DLGAP4: variants seen among roughly 807,000 people sequenced by gnomAD.
DLGAP4 encodes DLG associated protein 4.
Under a neutral mutation model 86.9 loss-of-function variants are expected in DLGAP4, and 18 were observed. That is an observed-to-expected ratio of 0.21 (90% CI 0.14 to 0.31). The LOEUF is 0.31. DLGAP4 is among the 10% of genes least tolerant of loss of function. The pLI, the probability that DLGAP4 is intolerant of heterozygous loss-of-function variation, is 1.00. For missense variants in DLGAP4, 1,085 were observed against 1,362.6 expected, an observed-to-expected ratio of 0.80 and a Z score of 3.21; for synonymous variants, 548 against 574.3, an observed-to-expected ratio of 0.95 and a Z score of 0.65.
In DLGAP4 at chr20:36,317,436, C is replaced by A. The variant is rs1337942473; in HGVS notation, c.-304+10924C>A. Among the ~76,000 whole-genome samples the A allele has an allele frequency of 6.3e-3, 34 of 5,370 alleles. No individual in the cohort carries two copies. The South Asian group carries it at 0.17, about 26-fold the overall frequency. 3.5% of individuals were successfully genotyped at this position (5,370 alleles called of 152,430 possible). A position where few individuals can be genotyped will look rare whatever the true frequency, so the allele number is the denominator to read the frequency against. On this transcript the variant is annotated intron_variant, in intron 1 of 12. Coordinates refer to ENST00000339266, the MANE Select transcript of DLGAP4 (RefSeq NM_001365621.2). ...CCTTCTTTCTTTTCTTTTCTTCTTT[C>A]TTTTCTCCTTTCTTTTCCTTCTCTT...
intron 1 of DLGAP4, among the ~76,000 whole-genome samples, chr20:36,334,455 C>T (rs79497295): frequency 0.013 from 1,981 of 152,258 alleles, 39 homozygotes; most frequent in African/African-American, 0.045. Flanking sequence ...AGGGGCATAG[C>T]AGCGGAGACA....
intron 7 of DLGAP4, among the ~76,000 whole-genome samples, chr20:36,456,256 G>C (rs1262755531): frequency 1.3e-5 from 2 of 152,202 alleles, no homozygotes; most frequent in African/African-American, 4.8e-5. Flanking sequence ...AGTAGGTCAG[G>C]GAGCAGTTTC....
chr20:36,374,286 G>C (rs2031064106), intron 2 of DLGAP4, among the ~76,000 whole-genome samples: 1 of 152,168 alleles, frequency 6.6e-6, no homozygotes, highest in African/African-American at 2.4e-5. Context: ...TGCTAAGGTG[G>C]ATGTGCATAT....
At chr20:36,486,626 T>C (rs1251145849) in intron 7 of DLGAP4, among the ~76,000 whole-genome samples, 1 of 145,562 alleles carries the variant, frequency 6.9e-6, no homozygotes, top group Non-Finnish European at 1.5e-5. Flanking sequence ...AGCCTTTTTT[T>C]TGAGATGAAA....
intron 10 of DLGAP4, among the ~76,000 whole-genome samples, chr20:36,520,278 T>G (rs563763170): frequency 6.6e-6 from 1 of 152,316 alleles, no homozygotes; most frequent in African/African-American, 2.4e-5. Flanking sequence ...TTCTTGGCAT[T>G]AAACCCTTAT....
chr20:36,467,136 A>G (rs2034451166), intron 7 of DLGAP4, among the ~76,000 whole-genome samples: 1 of 150,930 alleles, frequency 6.6e-6, no homozygotes, highest in African/African-American at 2.5e-5. Flanking sequence ...TAATAGACAG[A>G]CAAGGCGTCT....
chr20:36,496,027 C>CACGCCA (rs2035871593), intron 7 of DLGAP4, among the ~76,000 whole-genome samples: 1 of 152,120 alleles, frequency 6.6e-6, no homozygotes, highest in African/African-American at 2.4e-5. Flanking sequence ...CATGCGCCAC[C>CACGCCA]ACGCCCAGCT....
chr20:36,419,318 T>TG lies in DLGAP4; in HGVS notation c.-72-12324dup, dbSNP rs528569693. 8.0e-4 allele frequency among the ~76,000 whole-genome samples: 122 copies of TG among 151,954 alleles called. 2 individuals carry two copies. In the East Asian group the frequency reaches 0.018, roughly 22 times the overall value. ...TCTCATGCTTTATTTTTTGTAGAGA[T>TG]GGGGTCCTCGTTATGTTGCCCAGGC... is the stretch of plus-strand genomic sequence containing the variant. On this transcript the variant is annotated intron_variant, in intron 2 of 12. Coordinates refer to ENST00000339266, the MANE Select transcript of DLGAP4 (RefSeq NM_001365621.2).
intron 2 of DLGAP4, among the ~76,000 whole-genome samples, chr20:36,418,305 G>A (rs971749216): frequency 5.3e-5 from 8 of 151,024 alleles, no homozygotes; most frequent in African/African-American, 1.9e-4. Context: ...TAGAGACAGA[G>A]TTTCACCATG....
chr20:36,435,928 C>T (rs1600525491), intron 3 of DLGAP4, among the ~76,000 whole-genome samples, 181 bp from the exon 4 acceptor site: 1 of 152,288 alleles, frequency 6.6e-6, no homozygotes, highest in East Asian at 1.9e-4. Flanking sequence ...GCTCTGGAAC[C>T]CCGGTATTCC....
intron 1 of DLGAP4, among the ~76,000 whole-genome samples, chr20:36,321,045 C>T (rs1401921919): frequency 1.3e-5 from 2 of 152,158 alleles, no homozygotes; most frequent in African/African-American, 4.8e-5. Flanking sequence ...TCAAAGGAGC[C>T]ACATCACAGT....
At chr20:36,373,651 C>A (rs2031029031) in intron 2 of DLGAP4, among the ~76,000 whole-genome samples, 1 of 152,096 alleles carries the variant, frequency 6.6e-6, no homozygotes, top group Admixed American at 6.6e-5. Flanking sequence ...AAATGGTAGC[C>A]AAACCCAGCA....
intron 6 of DLGAP4, among the ~76,000 whole-genome samples, chr20:36,445,607 G>A (rs968330708): frequency 2.6e-5 from 4 of 152,168 alleles, no homozygotes; most frequent in Admixed American, 6.5e-5. Context: ...ATGAGAATGC[G>A]AGCACCTATT....
At chr20:36,491,820 T>A (rs966050256) in intron 7 of DLGAP4, among the ~76,000 whole-genome samples, 9 of 152,226 alleles carry the variant, frequency 5.9e-5, no homozygotes, top group African/African-American at 1.9e-4. Flanking sequence ...GTAGTGATAA[T>A]GAGGTTTATT....
chr20:36,519,196 G>A (rs1015238173), intron 10 of DLGAP4, among the ~76,000 whole-genome samples: 5 of 151,894 alleles, frequency 3.3e-5, no homozygotes, highest in South Asian at 2.1e-4. Flanking sequence ...GGAGGATTGC[G>A]CACGCACAGA....
At chr20:36,397,470 G>A (rs192343221) in intron 2 of DLGAP4, among the ~76,000 whole-genome samples, 7 of 152,142 alleles carry the variant, frequency 4.6e-5, no homozygotes, top group African/African-American at 1.7e-4. Context: ...AAATTGGCAG[G>A]CACTCCCACC....
At chr20:36,374,941 A>C (rs2147431358) in intron 2 of DLGAP4, among the ~76,000 whole-genome samples, 1 of 152,336 alleles carries the variant, frequency 6.6e-6, no homozygotes, top group East Asian at 1.9e-4. Flanking sequence ...ATGTCTGCAA[A>C]CCCTGCTGGG....
chr20:36,446,669 TC>T (rs776620839), intron 6 of DLGAP4, 27 bp from the exon 7 acceptor site: 2 of 1,574,258 alleles, frequency 1.3e-6, no homozygotes, highest in East Asian at 4.5e-5. Flanking sequence ...GATAGCCAGC[TC>T]CCTCATGCCT....
chr20:36,324,325 G>T (rs2065196777), intron 1 of DLGAP4, among the ~76,000 whole-genome samples: 1 of 152,058 alleles, frequency 6.6e-6, no homozygotes, highest in Non-Finnish European at 1.5e-5. Flanking sequence ...TACTAGGGAG[G>T]CAGAGGCAGG....
Sources: allele counts gnomAD v4.1 joint callset (sites outside exome capture counted in the v4.1 genomes callset), GRCh38; gene constraint gnomAD v4.1.1; transcripts MANE v1.5; gene names NCBI Gene and HGNC (gene_info 2026-07-23, HGNC 2026-07-21).